Variants in PRKN observed in about 807,000 individuals in gnomAD.
PRKN encodes the protein parkin RBR E3 ubiquitin protein ligase.
PRKN carries 56 observed loss-of-function variants against 59.5 expected under a neutral mutation model. The ratio of observed to expected loss-of-function variants is 0.94; its 90% CI spans 0.76 to 1.18. The LOEUF is 1.18. PRKN is among the 50% of genes most tolerant of loss of function. The pLI is 0.00. For synonymous variants in PRKN, 250 were observed against 222.1 expected, an observed-to-expected ratio of 1.13 and a Z score of -1.12; for missense variants, 657 against 596.4, an observed-to-expected ratio of 1.10 and a Z score of -1.06.
intron 7 of PRKN, among the ~76,000 whole-genome samples, chr6:161,648,933 T>C (rs533636051): frequency 3.3e-5 from 5 of 152,344 alleles, no homozygotes; most frequent in Non-Finnish European, 7.3e-5. Flanking sequence ...AATTAAATTT[T>C]CTACTTTACT....
chr6:161,883,553 G>A (rs1795022552), intron 6 of PRKN, among the ~76,000 whole-genome samples: 1 of 152,042 alleles, frequency 6.6e-6, no homozygotes, highest in African/African-American at 2.4e-5. Flanking sequence ...ACACAACACT[G>A]CAGACTGGTT....
At position 161,352,771 on chromosome 6, in the gene PRKN, A is replaced by ATATTTTTTTTT. The variant is rs34279714; in HGVS notation, c.1286-2561_1286-2560insAAAAAAAAATA. Among the ~76,000 whole-genome samples the ATATTTTTTTTT allele has an allele frequency of 8.6e-6, 1 of 116,900 alleles. No homozygotes were observed. The allele number at this position is 116,900 out of a possible 152,430, so 76.7% of individuals were successfully genotyped here. ...TGTGTGTGTGTATATATATATATAT[A>ATATTTTTTTTT]TTTTATTTTATTTTATTTTATTTTT... On this transcript the variant is annotated intron_variant, in intron 11 of 11. Transcript: ENST00000366898. The surrounding 1 kb of genome is among the most constrained non-coding windows in gnomAD (Gnocchi z 5.8).
intron 5 of PRKN, among the ~76,000 whole-genome samples, chr6:161,973,802 C>A (rs973258083): frequency 6.6e-6 from 1 of 152,184 alleles, no homozygotes; most frequent in African/African-American, 2.4e-5. Flanking sequence ...GAGGTGCCCA[C>A]GGGTCAAACA....
intron 9 of PRKN, among the ~76,000 whole-genome samples, chr6:161,482,896 G>C (rs1241983141): frequency 6.6e-6 from 1 of 152,144 alleles, no homozygotes; most frequent in Admixed American, 6.5e-5. Flanking sequence ...AGCACTTTAA[G>C]TATTTTAGCT....
rs533004823 is a variant in PRKN, at chr6:162,615,274, G to T, written c.7+112388C>A. Among the ~76,000 whole-genome samples the T allele has an allele frequency of 7.9e-5, 12 of 152,036 alleles. No homozygotes were observed. In the South Asian group the frequency reaches 1.7e-3, roughly 21 times the overall value. ...TTCTATGTTTTGGCTTATTTTTTTT[G>T]ATAATGTTCACTAGTGCTTCTCTGA... On this transcript the variant is annotated intron_variant, in intron 1 of 11. Coordinates refer to ENST00000366898, the MANE Select transcript of PRKN (RefSeq NM_004562.3).
chr6:162,128,605 G>A (rs1436978508), intron 4 of PRKN, among the ~76,000 whole-genome samples: 2 of 152,156 alleles, frequency 1.3e-5, no homozygotes, highest in Non-Finnish European at 2.9e-5. Context: ...CAAGTATCCT[G>A]ATAAGAAAAG....
At chr6:161,574,494 G>C (rs1397225476) in intron 7 of PRKN, among the ~76,000 whole-genome samples, 1 of 152,014 alleles carries the variant, frequency 6.6e-6, no homozygotes, top group African/African-American at 2.4e-5. Flanking sequence ...ATTACTTTAC[G>C]TAATGAGTAT....
At chr6:162,292,273 T>C (rs1441106541) in intron 2 of PRKN, among the ~76,000 whole-genome samples, 2 of 152,148 alleles carry the variant, frequency 1.3e-5, no homozygotes, top group Non-Finnish European at 2.9e-5. Context: ...CTCTTCCAAG[T>C]TATTCTGTCA....
chr6:161,694,976 C>T (rs939330571), intron 7 of PRKN, among the ~76,000 whole-genome samples: 1 of 152,084 alleles, frequency 6.6e-6, no homozygotes, highest in Non-Finnish European at 1.5e-5. Flanking sequence ...TAATTGTCCT[C>T]GGTGGGACCC....
intron 4 of PRKN, among the ~76,000 whole-genome samples, chr6:162,091,113 T>C (rs201887069): frequency 1.0e-4 from 1 of 9,726 alleles, no homozygotes; most frequent in Non-Finnish European, 1.7e-4. Flanking sequence ...CTTGCTATCC[T>C]TTTTTTTTTT....
intron 10 of PRKN, chr6:161,370,076 T>C: frequency 2.7e-6 from 1 of 372,158 alleles, no homozygotes; most frequent in Non-Finnish European, 5.9e-6. Context: ...AATATGACCC[T>C]GTGGGAGTTT....
intron 7 of PRKN, among the ~76,000 whole-genome samples, chr6:161,749,330 C>CAT (rs1472165693): frequency 6.6e-6 from 1 of 152,138 alleles, no homozygotes; most frequent in Non-Finnish European, 1.5e-5. Flanking sequence ...CATATATGTG[C>CAT]ATATGTACGC....
At chr6:162,118,182 C>A (rs374604864) in intron 4 of PRKN, among the ~76,000 whole-genome samples, 1 of 151,868 alleles carries the variant, frequency 6.6e-6, no homozygotes, top group Non-Finnish European at 1.5e-5. Context: ...GAGGCCGAGG[C>A]GGGTGGATCA....
At chr6:162,410,983 T>G (rs1052969135) in intron 2 of PRKN, among the ~76,000 whole-genome samples, 15 of 151,060 alleles carry the variant, frequency 9.9e-5, no homozygotes, top group African/African-American at 2.7e-4. Flanking sequence ...CCTTAAATCT[T>G]GGGGTATTGA....
intron 7 of PRKN, among the ~76,000 whole-genome samples, chr6:161,670,421 C>T (rs1784866166): frequency 6.6e-6 from 1 of 152,108 alleles, no homozygotes; most frequent in Non-Finnish European, 1.5e-5. Flanking sequence ...TGCCAACAAC[C>T]CTTGGCATTC....
chr6:161,891,859 C>T (rs1795356769), intron 6 of PRKN, among the ~76,000 whole-genome samples: 1 of 152,124 alleles, frequency 6.6e-6, no homozygotes, highest in African/African-American at 2.4e-5. Context: ...GGTTAAGAGC[C>T]CTGTTCGACC....
chr6:161,580,157 T>C (rs1781280584), intron 7 of PRKN, among the ~76,000 whole-genome samples: 1 of 152,238 alleles, frequency 6.6e-6, no homozygotes, highest in South Asian at 2.1e-4. Flanking sequence ...TTAATTACAC[T>C]ATGGTTTGAT....
chr6:162,093,706 T>C (rs924565326), intron 4 of PRKN, among the ~76,000 whole-genome samples: 1 of 152,084 alleles, frequency 6.6e-6, no homozygotes, highest in Non-Finnish European at 1.5e-5. Flanking sequence ...CACACATATA[T>C]AATGGGAAGT....
rs1789582897 is a variant in PRKN at position 161,448,264 on chromosome 6, C to G, written c.1084-61387G>C. Among the ~76,000 whole-genome samples, 1 of 152,204 alleles carries G rather than the reference C, an allele frequency of 6.6e-6. No individual in the cohort carries two copies. Among genetic ancestry groups the G allele is most frequent in the Non-Finnish European group, 1.5e-5 (1 of 68,040 alleles). On this transcript the variant is annotated intron_variant, in intron 9 of 11. Coordinates refer to ENST00000366898, the MANE Select transcript of PRKN (RefSeq NM_004562.3). This position sits in a 1 kb window ranked among gnomAD's most constrained non-coding sequence, Gnocchi z 5.1. ...TCATCATTCTTTGGTGTCTGCGTAT[C>G]TCTGAATGGCCACTCCCATGCAGCC...
Sources: allele counts gnomAD v4.1 joint callset (sites outside exome capture counted in the v4.1 genomes callset), GRCh38; gene constraint gnomAD v4.1.1; non-coding constraint Gnocchi (gnomAD v3.1); transcripts MANE v1.5; gene names NCBI Gene and HGNC (gene_info 2026-07-23, HGNC 2026-07-21).